The following C4orf33 variants were observed in gnomAD, a reference collection of about 807,000 sequenced individuals.
C4orf33 encodes UPF0462 protein C4orf33.
In C4orf33, 20 loss-of-function variants were observed where a neutral mutation model predicts 24.3. The observed-to-expected ratio is 0.82, with a 90% CI of 0.58 to 1.19. C4orf33 has a LOEUF of 1.19. Ranked by LOEUF, C4orf33 falls within the 50% of genes most tolerant of loss-of-function variation. The pLI, the probability that C4orf33 is intolerant of heterozygous loss-of-function variation, is 0.00. For missense variants in C4orf33, 207 were observed against 225.9 expected (o/e 0.92, Z 0.54); for synonymous variants, 67 against 76.4 (o/e 0.88, Z 0.64).
At chr4:129,103,962 C>T (rs1030830) in intron 2 of C4orf33, among the ~76,000 whole-genome samples, 40,477 of 152,062 alleles carry the variant, frequency 0.27, 5,821 homozygotes, top group South Asian at 0.35. Flanking sequence ...TGATACAAAA[C>T]GGGTATATAG....
intron 1 of C4orf33, among the ~76,000 whole-genome samples, chr4:129,100,456 A>G (rs141586257): frequency 5.4e-4 from 82 of 152,168 alleles, no homozygotes; most frequent in African/African-American, 2.0e-3. Flanking sequence ...CACCTGCTAT[A>G]AAGTCTACCA....
In C4orf33 at chr4:129,106,649, T is replaced by C. The variant is rs1753528448; in HGVS notation, c.242+2T>C. ...ATATTTAGAAGTTGAACTTTGTCCG[T>C]AAGTATAAAATGTTTTTTCTTACTT... On this transcript the variant is annotated splice_donor_variant, in intron 3 of 5. Coordinates refer to ENST00000425929, the MANE Select transcript of C4orf33 (RefSeq NM_001099783.2). LOFTEE classifies it high-confidence loss of function. 6.7e-7 allele frequency: 1 copy of C among 1,481,542 alleles called. No homozygotes were observed. Among genetic ancestry groups the C allele is most frequent in the African/African-American group, 1.4e-5 (1 of 70,970 alleles). The allele number at this position is 1,481,542 out of a possible 1,614,324, so 91.8% of individuals were successfully genotyped here.
intron 3 of C4orf33, among the ~76,000 whole-genome samples, chr4:129,108,556 C>G (rs2125803591): frequency 6.6e-6 from 1 of 152,140 alleles, no homozygotes; most frequent in Middle Eastern, 3.4e-3. Flanking sequence ...TTTTTATTTT[C>G]CTAATGAGCT....
chr4:129,096,950 G>T (rs1753225003), intron 1 of C4orf33, among the ~76,000 whole-genome samples: 1 of 152,090 alleles, frequency 6.6e-6, no homozygotes. Context: ...TTGCTCTGTT[G>T]CCAGGCTGGA....
At chr4:129,106,177 A>G (rs1333739923) in intron 2 of C4orf33, among the ~76,000 whole-genome samples, 1 of 152,154 alleles carries the variant, frequency 6.6e-6, no homozygotes, top group Non-Finnish European at 1.5e-5. Flanking sequence ...CTTATGTAAT[A>G]GGAGATAATC....
At chr4:129,107,835 T>G (rs1753563797) in intron 3 of C4orf33, among the ~76,000 whole-genome samples, 1 of 152,076 alleles carries the variant, frequency 6.6e-6, no homozygotes, top group South Asian at 2.1e-4. Context: ...AGTTTTAATT[T>G]TATTAGATGA....
chr4:129,111,562 C>T (rs1293045942), intron 5 of C4orf33, 124 bp from the exon 6 acceptor site: 8 of 572,024 alleles, frequency 1.4e-5, no homozygotes, highest in South Asian at 2.6e-5. Flanking sequence ...TATATCTTAC[C>T]TTTAGTATTG....
chr4:129,110,917 T>G (rs1016579107), intron 5 of C4orf33, among the ~76,000 whole-genome samples: 1 of 152,082 alleles, frequency 6.6e-6, no homozygotes, highest in Non-Finnish European at 1.5e-5. Flanking sequence ...CCTGGCCAGG[T>G]GGGCAGAATG....
intron 2 of C4orf33, among the ~76,000 whole-genome samples, chr4:129,103,299 G>A (rs1230734717): frequency 3.3e-5 from 5 of 152,004 alleles, no homozygotes; most frequent in South Asian, 2.1e-4. Flanking sequence ...GATTACAGGC[G>A]TGAGCCACCT....
intron 3 of C4orf33, among the ~76,000 whole-genome samples, chr4:129,107,377 A>G (rs1753550044): frequency 6.6e-6 from 1 of 152,012 alleles, no homozygotes; most frequent in Non-Finnish European, 1.5e-5. Flanking sequence ...AAATTAATAA[A>G]GTATTTAATA....
At position 129,116,594 on chromosome 4, in the gene C4orf33, G is replaced by A. The variant is rs1753780287; in HGVS notation, c.*4803G>A. 1.3e-5 allele frequency: 2 copies of A among 152,144 alleles called. No individual in the cohort carries two copies. Among genetic ancestry groups the A allele is most frequent in the Admixed American group, 1.3e-4 (2 of 15,278 alleles). 9.4% of individuals were successfully genotyped at this position (152,144 alleles called of 1,614,324 possible). On this transcript the variant is annotated 3_prime_UTR_variant, in exon 6 of 6. Coordinates refer to ENST00000425929, the MANE Select transcript of C4orf33 (RefSeq NM_001099783.2). ...GAAATAGAAAACCAAACTGTAAATT[G>A]AAGTCTGAGCATTCAGAGAAATAAA...
intron 5 of C4orf33, 87 bp downstream of exon 5, chr4:129,109,759 TC>T: frequency 8.7e-7 from 1 of 1,151,100 alleles, no homozygotes; most frequent in Non-Finnish European, 1.2e-6. Flanking sequence ...ACACTTTTGA[TC>T]AAAGAAGACG....
chr4:129,102,777 T>C lies in C4orf33; in HGVS notation c.167T>C (p.Leu56Pro), dbSNP rs1753397825. The C allele has an allele frequency of 6.2e-7, 1 of 1,612,376 alleles. No homozygotes were observed. The highest frequency in any genetic ancestry group is 8.5e-7 in the Non-Finnish European group (1 of 1,179,430). Residue 56 changes from leucine to proline, a missense_variant, in exon 2 of 6, where the codon CTG becomes CCG. By Grantham distance (98) the Leu-to-Pro change is moderately conservative. Transcript: ENST00000425929. ...LGEPGKPFNELWDYEVVEAFF... is the reference protein window; with the variant it reads ...LGEPGKPFNEPWDYEVVEAFF... Reference sequence around the variant, plus strand: ...GAACCAGGAAAACCTTTCAATGAACTGTGGGATTATGAAGGTAAGTGGAAG... The same window carrying C: ...GAACCAGGAAAACCTTTCAATGAACCGTGGGATTATGAAGGTAAGTGGAAG...
Position 129,113,022 on chromosome 4 carries a change from A to G in C4orf33, c.*1231A>G, listed in dbSNP as rs1753721207. The G allele has an allele frequency of 1.5e-5, 2 of 133,668 alleles. No homozygotes were observed. The highest frequency in any genetic ancestry group is 2.3e-4 in the East Asian group (1 of 4,342). 8.3% of individuals were successfully genotyped at this position (133,668 alleles called of 1,614,324 possible). A position where few individuals can be genotyped will look rare whatever the true frequency, so the allele number is the denominator to read the frequency against. On this transcript the variant is annotated 3_prime_UTR_variant, in exon 6 of 6. Transcript: ENST00000425929. The stretch of plus-strand genomic sequence containing the variant: ...ATTACCTGAATAATTTTATAAATGC[A>G]TATAAAACTATCAAAATAAAAACAA...
At chr4:129,106,381 A>G (rs1753518031) in intron 2 of C4orf33, among the ~76,000 whole-genome samples, 1 of 152,032 alleles carries the variant, frequency 6.6e-6, no homozygotes, top group Non-Finnish European at 1.5e-5. Context: ...ATATGTGGCA[A>G]TCTGATATGT....
In C4orf33 at chr4:129,102,805, C is replaced by G. The variant is rs1753399093; in HGVS notation, c.181+14C>G. On this transcript the variant is annotated intron_variant, in intron 2 of 5. Transcript: ENST00000425929. Reference sequence around the variant, plus strand: ...GGGATTATGAAGGTAAGTGGAAGTACTGTATTTTATTGCAAACATAAATCT... The same window carrying G: ...GGGATTATGAAGGTAAGTGGAAGTAGTGTATTTTATTGCAAACATAAATCT... 3 of 1,597,836 alleles carry G rather than the reference C, an allele frequency of 1.9e-6. No individual in the cohort carries two copies. Among genetic ancestry groups the G allele is most frequent in the Non-Finnish European group, 2.6e-6 (3 of 1,172,780 alleles).
chr4:129,094,966 G>C (rs934191381), upstream of C4orf33, among the ~76,000 whole-genome samples: 1 of 152,006 alleles, frequency 6.6e-6, no homozygotes. Context: ...TTAACTCTAC[G>C]CTTACACCCA....
rs1753760451 is a variant in C4orf33 at position 129,115,623 on chromosome 4, A to G, written c.*3832A>G. The G allele has an allele frequency of 6.6e-6, 1 of 151,950 alleles. No homozygotes were observed. Among genetic ancestry groups the G allele is most frequent in the African/African-American group, 2.4e-5 (1 of 41,374 alleles). The allele number at this position is 151,950 out of a possible 1,614,324, so 9.4% of individuals were successfully genotyped here. ...CAGTACTGATCAGCTTAAAAATGCAATCTTAGATTGGCTTGCTTTATTTAA... is the reference window on the plus strand; with the variant it reads ...CAGTACTGATCAGCTTAAAAATGCAGTCTTAGATTGGCTTGCTTTATTTAA... On this transcript the variant is annotated 3_prime_UTR_variant, in exon 6 of 6. Transcript: ENST00000425929.
In C4orf33 at chr4:129,097,032, C is replaced by T. The variant is rs544235280; in HGVS notation, c.-10+823C>T. On this transcript the variant is annotated intron_variant, in intron 1 of 5. Coordinates refer to ENST00000425929, the MANE Select transcript of C4orf33 (RefSeq NM_001099783.2). ...CAAGCGATTCTTCTGCCTCAACCTC[C>T]CGAGTAGCTGGAACTACAGGCGCGT... Among the ~76,000 whole-genome samples, 18 of 152,266 alleles carry T rather than the reference C, an allele frequency of 1.2e-4. 1 individual carries two copies. The highest frequency in any genetic ancestry group is 3.4e-3 in the Middle Eastern group (1 of 294).
Sources: gnomAD v4.1 joint callset for allele counts (sites outside exome capture counted in the v4.1 genomes callset) on GRCh38, gnomAD v4.1.1 for gene constraint, MANE v1.5 for transcripts, NCBI Gene and HGNC (gene_info 2026-07-23, HGNC 2026-07-21) for gene names.